The following ASRGL1 variants were observed in gnomAD, a reference collection of about 807,000 sequenced individuals.
ASRGL1 encodes asparaginase and isoaspartyl peptidase 1.
ASRGL1 carries 16 observed loss-of-function variants against 22.4 expected under a neutral mutation model. The ratio of observed to expected loss-of-function variants is 0.71; its 90% CI spans 0.48 to 1.08. ASRGL1 has a LOEUF of 1.08. ASRGL1 is among the 50% of genes least tolerant of loss of function. ASRGL1 has a pLI of 0.00. For missense variants in ASRGL1, 412 were observed against 410.1 expected (o/e 1.00, Z -0.04); for synonymous variants, 165 against 159.3 (o/e 1.04, Z -0.27).
intron 2 of ASRGL1, among the ~76,000 whole-genome samples, chr11:62,353,470 A>G (rs951177092): frequency 1.3e-5 from 2 of 151,690 alleles, no homozygotes; most frequent in Non-Finnish European, 2.9e-5. Flanking sequence ...CAGCCTCCCA[A>G]GTAGCTAGGC....
chr11:62,374,146 C>A (rs1422164744), intron 4 of ASRGL1, among the ~76,000 whole-genome samples: 1 of 152,262 alleles, frequency 6.6e-6, no homozygotes, highest in Non-Finnish European at 1.5e-5. Context: ...TGCTGAGACT[C>A]GGGGTACCGT....
rs367883842 is a variant in ASRGL1, at chr11:62,357,137, T to G, written c.484T>G (p.Cys162Gly). The part of the protein sequence containing the change: ...KHEKGAQKTD[C>G]QKNLGTVGAV... ...TGAAAAAGGTGCTCAGAAAACAGAT[T>G]GTCAAAAGTAAGTCTTACCTGTGGC... The change falls in exon 4 of 7, where the codon TGT becomes GGT. Residue 162 changes from cysteine to glycine, a missense_variant. Transcript: ENST00000415229. 1.4e-4 allele frequency: 228 copies of G among 1,612,808 alleles called. No homozygotes were observed. Among genetic ancestry groups the G allele is most frequent in the Non-Finnish European group, 1.8e-4 (218 of 1,179,718 alleles).
the ASRGL1 span, among the ~76,000 whole-genome samples, chr11:62,401,052 G>A: frequency 6.6e-6 from 1 of 152,328 alleles, no homozygotes; most frequent in African/African-American, 2.4e-5. Context: ...GCCTGGGAAA[G>A]CCTCTCCACA....
intron 4 of ASRGL1, among the ~76,000 whole-genome samples, chr11:62,383,784 C>T (rs1416216033): frequency 6.6e-6 from 1 of 150,582 alleles, no homozygotes; most frequent in Non-Finnish European, 1.5e-5. Flanking sequence ...ATTAGCCAGG[C>T]TTGGCAGTGT....
chr11:62,400,821 C>A, the ASRGL1 span, among the ~76,000 whole-genome samples: 1 of 152,194 alleles, frequency 6.6e-6, no homozygotes, highest in Admixed American at 6.5e-5. Flanking sequence ...GGGTCACAAC[C>A]AGTTAAGTGC....
intron 5 of ASRGL1, chr11:62,389,475 C>G: frequency 3.3e-6 from 2 of 602,696 alleles, no homozygotes; most frequent in Non-Finnish European, 6.2e-6. Context: ...AGATTGCATG[C>G]CTTTTTGGAA....
At chr11:62,366,091 G>A (rs12282415) in intron 4 of ASRGL1, among the ~76,000 whole-genome samples, 6,005 of 142,124 alleles carry the variant, frequency 0.042, 455 homozygotes, top group African/African-American at 0.15. Flanking sequence ...GTGAAACCCC[G>A]TCTCTACTGA....
In ASRGL1 at chr11:62,372,360, T is replaced by C. The variant is rs114947428; in HGVS notation, c.491+15216T>C. The C allele has an allele frequency of 9.1e-4, 1,421 of 1,567,372 alleles. 17 individuals are homozygous for C. The African/African-American group carries it at 0.017, about 19-fold the overall frequency. ...TGTCCCCAGCCCTGTGCAGATAATG[T>C]ACAACAGCCTGCCAATTACCAAAAT... is the stretch of plus-strand genomic sequence containing the variant. On this transcript the variant is annotated intron_variant, in intron 4 of 6. Transcript: ENST00000415229.
At chr11:62,349,478 A>G (rs375056270) in intron 2 of ASRGL1, among the ~76,000 whole-genome samples, 5 of 152,316 alleles carry the variant, frequency 3.3e-5, no homozygotes, top group Admixed American at 1.3e-4. Flanking sequence ...GGCAGTTTCA[A>G]TGTTTCCAGG....
At chr11:62,386,979 A>T (rs34075806) in intron 4 of ASRGL1, among the ~76,000 whole-genome samples, 1 of 149,696 alleles carries the variant, frequency 6.7e-6, no homozygotes, top group East Asian at 2.0e-4. Flanking sequence ...TGCAGCCTCC[A>T]CCTCCTGGGT....
chr11:62,395,395 G>C (rs556598085), downstream of ASRGL1, among the ~76,000 whole-genome samples: 1 of 152,240 alleles, frequency 6.6e-6, no homozygotes, highest in Admixed American at 6.5e-5. Context: ...CCTGAGCCAA[G>C]GCCAAGTGTC....
intron 6 of ASRGL1, 176 bp from the exon 7 acceptor site, chr11:62,391,903 C>A (rs1947348720): frequency 2.5e-6 from 2 of 790,980 alleles, no homozygotes; most frequent in East Asian, 5.3e-5. Flanking sequence ...TCTGCTCAGG[C>A]TGATGCTAGG....
intron 4 of ASRGL1, among the ~76,000 whole-genome samples, chr11:62,377,773 C>T (rs367750187): frequency 6.6e-6 from 1 of 152,044 alleles, no homozygotes; most frequent in African/African-American, 2.4e-5. Context: ...TTTTATTATT[C>T]GTAATTTTGC....
rs375236659 is a variant in ASRGL1 at position 62,349,781 on chromosome 11, C to T, written c.191-6544C>T. On this transcript the variant is annotated intron_variant, in intron 2 of 6. Coordinates refer to ENST00000415229, the MANE Select transcript of ASRGL1 (RefSeq NM_001083926.2). ...AAAGCATGGCTACTCCATAGAGCAG[C>T]CCCGAGGGCTACTGGTTGCCCATTT... Among the ~76,000 whole-genome samples the T allele has an allele frequency of 1.4e-4, 21 of 152,262 alleles. 1 individual carries two copies. In the South Asian group the frequency reaches 4.3e-3, roughly 32 times the overall value.
At chr11:62,400,238 C>T in the ASRGL1 span, among the ~76,000 whole-genome samples, 1 of 152,218 alleles carries the variant, frequency 6.6e-6, no homozygotes, top group Admixed American at 6.5e-5. Flanking sequence ...TTTCCTCCCT[C>T]AAAGGTCCTC....
chr11:62,368,066 G>A (rs1168522852), intron 4 of ASRGL1, among the ~76,000 whole-genome samples: 3 of 152,078 alleles, frequency 2.0e-5, no homozygotes, highest in Admixed American at 1.3e-4. Context: ...CCCTATCTGC[G>A]GTTTCACTTT....
intron 2 of ASRGL1, among the ~76,000 whole-genome samples, chr11:62,346,901 CAG>C (rs1946037983): frequency 6.6e-6 from 1 of 150,606 alleles, no homozygotes; most frequent in South Asian, 2.1e-4. Context: ...ACCTGAGAGA[CAG>C]AGGTTGCAGT....
chr11:62,340,418 C>A (rs1324908732), intron 2 of ASRGL1, among the ~76,000 whole-genome samples: 1 of 152,162 alleles, frequency 6.6e-6, no homozygotes, highest in African/African-American at 2.4e-5. Flanking sequence ...ACTTGTTAAA[C>A]CTTACGCTTC....
At chr11:62,379,917 A>G (rs1264434143) in intron 4 of ASRGL1, among the ~76,000 whole-genome samples, 1 of 150,164 alleles carries the variant, frequency 6.7e-6, no homozygotes, top group Non-Finnish European at 1.5e-5. Flanking sequence ...TTAGAATTTG[A>G]TAGAATTCTA....
Sources: allele counts gnomAD v4.1 joint callset (sites outside exome capture counted in the v4.1 genomes callset), GRCh38; gene constraint gnomAD v4.1.1; transcripts MANE v1.5; gene names NCBI Gene and HGNC (gene_info 2026-07-23, HGNC 2026-07-21).